The following UST variants were observed in gnomAD, a reference collection of about 807,000 sequenced individuals.
UST encodes chondroitin sulfate 2-O-sulfotransferase.
Under a neutral mutation model 45.6 loss-of-function variants are expected in UST, and 21 were observed. The observed-to-expected ratio is 0.46, with a 90% CI of 0.33 to 0.66. UST has a LOEUF of 0.66. Among genes scored for constraint, UST ranks in the 30% least tolerant of loss-of-function variants. The probability of loss-of-function intolerance (pLI) is 0.02; values close to 1 mark genes in which losing one functional copy is unlikely to be tolerated. For synonymous variants in UST, 215 were observed against 200.6 expected (o/e 1.07, Z -0.61); for missense variants, 463 against 512.4 (o/e 0.90, Z 0.93).
chr6:148,971,340 G>A (rs370552740), intron 5 of UST, among the ~76,000 whole-genome samples: 5 of 152,166 alleles, frequency 3.3e-5, no homozygotes, highest in African/African-American at 1.2e-4. Context: ...GTAGGAACTG[G>A]AAATAAAATG....
chr6:148,801,717 G>C (rs1320763190), intron 1 of UST, among the ~76,000 whole-genome samples: 2 of 152,080 alleles, frequency 1.3e-5, no homozygotes, highest in Non-Finnish European at 2.9e-5. Flanking sequence ...CACGTGCTTA[G>C]CAGTCACTCT....
Position 148,747,657 on chromosome 6 carries a change from T to G in UST, c.227T>G (p.Leu76Arg). The G allele has an allele frequency of 6.2e-7, 1 of 1,600,790 alleles. No individual in the cohort carries two copies. Among genetic ancestry groups the G allele is most frequent in the Non-Finnish European group, 8.5e-7 (1 of 1,175,174 alleles). The part of the protein sequence containing the change: ...QLSGGPPRFL[L>R]DLRQYLGNST... Reference sequence around the variant, plus strand: ...AGCGGGGGACCCCCTCGCTTCCTGCTCGACCTGCGGCAGTACTTGGGTAAG... The same window carrying G: ...AGCGGGGGACCCCCTCGCTTCCTGCGCGACCTGCGGCAGTACTTGGGTAAG... The change falls in exon 1 of 8, where the codon CTC becomes CGC. Residue 76 changes from leucine to arginine, a missense_variant. This residue lies in a region of UST where 176 missense variants were observed against 138.3 expected (regional missense o/e 1.27). Transcript: ENST00000367463.
intron 2 of UST, among the ~76,000 whole-genome samples, chr6:148,887,275 G>A (rs560724077): frequency 1.3e-5 from 2 of 152,398 alleles, no homozygotes; most frequent in South Asian, 4.1e-4. Context: ...GCCTGAGACT[G>A]ACTTCAGACC....
At chr6:148,814,510 T>C (rs1777320366) in intron 1 of UST, among the ~76,000 whole-genome samples, 2 of 152,176 alleles carry the variant, frequency 1.3e-5, no homozygotes, top group South Asian at 4.1e-4. Flanking sequence ...AGAGGGCCTT[T>C]GAGCAAGAAA....
intron 2 of UST, among the ~76,000 whole-genome samples, chr6:148,916,757 C>T (rs1189294222): frequency 7.2e-5 from 11 of 152,226 alleles, no homozygotes; most frequent in Non-Finnish European, 1.2e-4. Flanking sequence ...CACACCACTT[C>T]CCAGGTTGTG....
intron 5 of UST, among the ~76,000 whole-genome samples, chr6:148,970,043 T>C (rs2449390): frequency 0.14 from 20,815 of 152,178 alleles, 1,780 homozygotes; most frequent in Non-Finnish European, 0.19. Flanking sequence ...TCCAGGAGCA[T>C]GGAGGACCAG....
chr6:149,037,476 A>G (rs929159348), intron 7 of UST, among the ~76,000 whole-genome samples: 106 of 152,286 alleles, frequency 7.0e-4, no homozygotes, highest in Non-Finnish European at 1.2e-3. Flanking sequence ...GGTGTGGGGG[A>G]GGGGGTTTTC....
At position 149,023,101 on chromosome 6, in the gene UST, GGTGTGTGTGTGTGTGTGTGTGT is replaced by G. The variant is rs61544082; in HGVS notation, c.937+1648_937+1669del. On this transcript the variant is annotated intron_variant, in intron 7 of 7. Transcript: ENST00000367463. Reference sequence around the variant, plus strand: ...TCCTTTTGGCTTTATCTTGTTCTATGGTGTGTGTGTGTGTGTGTGTGTGTGTGTGTGTGTGTGTGTGTGTGTG... The same window carrying G: ...TCCTTTTGGCTTTATCTTGTTCTATGGTGTGTGTGTGTGTGTGTGTGTGTG... Among the ~76,000 whole-genome samples the G allele has an allele frequency of 1.5e-4, 22 of 143,456 alleles. 1 individual carries two copies. The highest frequency in any genetic ancestry group is 3.5e-3 in the Middle Eastern group (1 of 282). 94.1% of individuals were successfully genotyped at this position (143,456 alleles called of 152,430 possible).
chr6:149,004,759 A>T (rs1781615553), intron 5 of UST, among the ~76,000 whole-genome samples: 1 of 149,692 alleles, frequency 6.7e-6, no homozygotes, highest in Non-Finnish European at 1.5e-5. Context: ...GGTGGGCCCG[A>T]ATCTCAGAAA....
At chr6:148,950,161 G>A (rs1780337943) in intron 3 of UST, among the ~76,000 whole-genome samples, 1 of 152,154 alleles carries the variant, frequency 6.6e-6, no homozygotes, top group South Asian at 2.1e-4. Flanking sequence ...TCCCTTGGAA[G>A]GCTTGGCAAA....
chr6:149,053,387 A>G (rs994998587), intron 7 of UST, among the ~76,000 whole-genome samples: 1 of 152,206 alleles, frequency 6.6e-6, no homozygotes, highest in Non-Finnish European at 1.5e-5. Context: ...TCCCATCAAG[A>G]TGCTATGAAT....
At chr6:148,910,134 CTTT>C (rs148286486) in intron 2 of UST, among the ~76,000 whole-genome samples, 2,265 of 103,394 alleles carry the variant, frequency 0.022, 52 homozygotes, top group African/African-American at 0.069. Flanking sequence ...GCCTGGGATG[CTTT>C]TTTTTTTTTT....
Position 149,040,428 on chromosome 6 carries a change from G to A in UST, c.937+18947G>A, listed in dbSNP as rs181106744. 5.9e-5 allele frequency among the ~76,000 whole-genome samples: 9 copies of A among 152,222 alleles called. 1 individual carries two copies. The highest frequency in any genetic ancestry group is 2.1e-4 in the South Asian group (1 of 4,806). On this transcript the variant is annotated intron_variant, in intron 7 of 7. Transcript: ENST00000367463. ...ATCTCAACAGTTTGGGAGGCCGGGC[G>A]GGCGGATCACGAGGGCAGGAGTTCA...
intron 1 of UST, among the ~76,000 whole-genome samples, chr6:148,848,007 G>A (rs1778022358): frequency 6.6e-6 from 1 of 152,194 alleles, no homozygotes. Context: ...CTAAGTGTAG[G>A]AAGCCAGATA....
chr6:148,759,654 C>G (rs1006647612), intron 1 of UST, among the ~76,000 whole-genome samples: 10 of 151,812 alleles, frequency 6.6e-5, no homozygotes, highest in Non-Finnish European at 1.5e-4. Context: ...CGAGACCGTC[C>G]TGGCTAACAC....
intron 2 of UST, among the ~76,000 whole-genome samples, chr6:148,927,107 C>T (rs1207862423): frequency 6.6e-6 from 1 of 151,566 alleles, no homozygotes; most frequent in African/African-American, 2.4e-5. Flanking sequence ...GTTGTCCTTA[C>T]GTCCCCGTTA....
chr6:148,782,412 A>G (rs111328168), intron 1 of UST, among the ~76,000 whole-genome samples: 2,232 of 152,074 alleles, frequency 0.015, 27 homozygotes, highest in Non-Finnish European at 0.023. Context: ...AATTGCTGCT[A>G]TCTCATGATC....
intron 5 of UST, among the ~76,000 whole-genome samples, chr6:148,987,695 A>G (rs866930698): frequency 1.3e-5 from 2 of 152,168 alleles, no homozygotes; most frequent in Non-Finnish European, 2.9e-5. Context: ...ATTTATTTTA[A>G]AAATTTTGTT....
chr6:149,000,067 G>T (rs942876512), intron 5 of UST, among the ~76,000 whole-genome samples: 2 of 152,202 alleles, frequency 1.3e-5, no homozygotes, highest in Non-Finnish European at 1.5e-5. Flanking sequence ...CCAGAAATAG[G>T]ACAAGGTCAA....
Sources: allele counts gnomAD v4.1 joint callset (sites outside exome capture counted in the v4.1 genomes callset), GRCh38; gene constraint gnomAD v4.1.1; regional missense constraint gnomAD v4.1.1; transcripts MANE v1.5; gene names NCBI Gene and HGNC (gene_info 2026-07-23, HGNC 2026-07-21).